Variants in ASIC2 observed in about 807,000 individuals in gnomAD.
ASIC2 encodes acid-sensing ion channel 2.
A neutral mutation model predicts 57.3 loss-of-function variants in ASIC2; 25 were observed. The observed-to-expected ratio is 0.44, with a 90% confidence interval of 0.32 to 0.61. The LOEUF (loss-of-function observed/expected upper bound fraction) is 0.61, where lower values mean the gene tolerates loss of function less well. ASIC2 is among the 20% of genes least tolerant of loss of function. The pLI is 0.06. For synonymous variants in ASIC2, 319 were observed against 307.5 expected (o/e 1.04, Z -0.39); for missense variants, 641 against 738.1 (o/e 0.87, Z 1.52).
intron 1 of ASIC2, among the ~76,000 whole-genome samples, chr17:33,134,704 C>A (rs1217505900): frequency 6.6e-6 from 1 of 152,340 alleles, no homozygotes; most frequent in South Asian, 2.1e-4. Flanking sequence ...GAGCCCTCAA[C>A]CTGGGTTGTC....
intron 1 of ASIC2, among the ~76,000 whole-genome samples, chr17:34,091,047 G>C (rs555928796): frequency 6.6e-6 from 1 of 152,312 alleles, no homozygotes; most frequent in East Asian, 1.9e-4. Flanking sequence ...CCCACCAAGG[G>C]TAGACCTGAA....
chr17:33,498,759 C>T (rs1914016407), intron 1 of ASIC2, among the ~76,000 whole-genome samples: 1 of 152,166 alleles, frequency 6.6e-6, no homozygotes, highest in Admixed American at 6.5e-5. Flanking sequence ...AATGAATGCT[C>T]TTCCCAATGT....
chr17:33,913,208 G>A (rs1198844352), intron 1 of ASIC2, among the ~76,000 whole-genome samples: 4 of 151,942 alleles, frequency 2.6e-5, no homozygotes, highest in Non-Finnish European at 4.4e-5. Flanking sequence ...GACATAAAGT[G>A]TGTAAAGAGC....
At chr17:33,138,559 A>G (rs1429773011) in intron 1 of ASIC2, among the ~76,000 whole-genome samples, 1 of 152,106 alleles carries the variant, frequency 6.6e-6, no homozygotes, top group Non-Finnish European at 1.5e-5. Context: ...TTGCCCGTGG[A>G]TTTTTTGATG....
intron 1 of ASIC2, among the ~76,000 whole-genome samples, chr17:33,176,432 C>A (rs890162856): frequency 3.9e-5 from 6 of 152,168 alleles, no homozygotes; most frequent in African/African-American, 1.4e-4. Context: ...GCAGCCTTGA[C>A]CTCCTGGGCT....
chr17:33,350,046 A>C (rs1423264546), intron 1 of ASIC2, among the ~76,000 whole-genome samples: 1 of 152,230 alleles, frequency 6.6e-6, no homozygotes, highest in Non-Finnish European at 1.5e-5. Context: ...GTAGTGTTCC[A>C]AGAAAGACTG....
chr17:33,846,537 A>G (rs1477441701), intron 1 of ASIC2, among the ~76,000 whole-genome samples: 1 of 152,140 alleles, frequency 6.6e-6, no homozygotes, highest in Non-Finnish European at 1.5e-5. Flanking sequence ...CAGGTAAATT[A>G]AAGATGTGTA....
chr17:33,316,570 G>T (rs1026513425), intron 1 of ASIC2, among the ~76,000 whole-genome samples: 6 of 152,198 alleles, frequency 3.9e-5, no homozygotes, highest in Non-Finnish European at 8.8e-5. Context: ...TTACAGGCAT[G>T]AGACACCACG....
intron 1 of ASIC2, among the ~76,000 whole-genome samples, chr17:33,633,004 A>T (rs142970232): frequency 2.0e-5 from 3 of 152,314 alleles, no homozygotes; most frequent in Non-Finnish European, 2.9e-5. Context: ...AAGCTCTCTT[A>T]CTTTTGCTCC....
At chr17:33,185,682 C>A (rs1463368657) in intron 1 of ASIC2, among the ~76,000 whole-genome samples, 1 of 152,156 alleles carries the variant, frequency 6.6e-6, no homozygotes, top group Non-Finnish European at 1.5e-5. Flanking sequence ...CAGAGATCTG[C>A]AGAAGGTCTC....
chr17:33,786,096 C>A (rs965619571), intron 1 of ASIC2, among the ~76,000 whole-genome samples: 1 of 152,166 alleles, frequency 6.6e-6, no homozygotes, highest in South Asian at 2.1e-4. Context: ...GGACACAAGC[C>A]TTTCAGCTTT....
At chr17:33,858,356 G>A (rs759773172) in intron 1 of ASIC2, among the ~76,000 whole-genome samples, 1 of 152,216 alleles carries the variant, frequency 6.6e-6, no homozygotes, top group Non-Finnish European at 1.5e-5. Flanking sequence ...ATACTCCCCA[G>A]TGTGGCTGCC....
At chr17:33,366,152 C>T (rs1012640757) in intron 1 of ASIC2, among the ~76,000 whole-genome samples, 35 of 152,250 alleles carry the variant, frequency 2.3e-4, no homozygotes, top group African/African-American at 4.8e-5. Context: ...TGGAGCCCTG[C>T]TCTTGACTGG....
rs61267122 is a variant in ASIC2, at chr17:33,496,603, GTTTTTTTTTTTTTTTTTTTTTT to G, written c.556-384558_556-384537del. Among the ~76,000 whole-genome samples, 87 of 71,012 alleles carry G rather than the reference GTTTTTTTTTTTTTTTTTTTTTT, an allele frequency of 1.2e-3. 1 individual carries two copies. In the South Asian group the frequency reaches 0.055, roughly 45 times the overall value. The allele number at this position is 71,012 out of a possible 152,430, so 46.6% of individuals were successfully genotyped here. A position where few individuals can be genotyped will look rare whatever the true frequency, so the allele number is the denominator to read the frequency against. On this transcript the variant is annotated intron_variant, in intron 1 of 9. Transcript: ENST00000359872. ...GCAGAAAAGGAAATAGTTATTGTAG[GTTTTTTTTTTTTTTTTTTTTTT>G]TTTTTTTTTTTAGATGGGGTCTCAC...
At chr17:33,225,104 C>A (rs890876447) in intron 1 of ASIC2, among the ~76,000 whole-genome samples, 1 of 152,196 alleles carries the variant, frequency 6.6e-6, no homozygotes, top group Non-Finnish European at 1.5e-5. Context: ...TTTGGGAGGG[C>A]AGACCAGCGT....
chr17:33,818,234 C>A (rs953146911), intron 1 of ASIC2, among the ~76,000 whole-genome samples: 7 of 152,188 alleles, frequency 4.6e-5, no homozygotes, highest in African/African-American at 1.7e-4. Flanking sequence ...CTACAATCTG[C>A]TACAATGGGA....
intron 1 of ASIC2, among the ~76,000 whole-genome samples, chr17:33,579,703 G>C (rs545528984): frequency 1.3e-5 from 2 of 152,142 alleles, no homozygotes; most frequent in Admixed American, 6.5e-5. Flanking sequence ...GACCTTCGCA[G>C]CCAGCGTTAC....
chr17:33,657,747 T>G (rs757484661), intron 1 of ASIC2, among the ~76,000 whole-genome samples: 21 of 133,316 alleles, frequency 1.6e-4, no homozygotes, highest in Non-Finnish European at 3.1e-4. Flanking sequence ...CAGACACCTT[T>G]GGCAGTTTCT....
intron 1 of ASIC2, among the ~76,000 whole-genome samples, chr17:33,201,532 T>C (rs1906859053): frequency 6.6e-6 from 1 of 152,220 alleles, no homozygotes; most frequent in Admixed American, 6.5e-5. Flanking sequence ...CCCCCTTTCA[T>C]GGCAATGACC....
Sources: gnomAD v4.1 joint callset for allele counts (sites outside exome capture counted in the v4.1 genomes callset) on GRCh38, gnomAD v4.1.1 for gene constraint, MANE v1.5 for transcripts, NCBI Gene and HGNC (gene_info 2026-07-23, HGNC 2026-07-21) for gene names.